ATM: variants seen among roughly 807,000 people sequenced by gnomAD.
ATM encodes serine-protein kinase ATM.
Under a neutral mutation model 387.0 loss-of-function variants are expected in ATM, and 308 were observed. The ratio of observed to expected loss-of-function variants is 0.80; its 90% confidence interval spans 0.73 to 0.87. The LOEUF is 0.87. Ranked by LOEUF, ATM falls within the 40% of genes least tolerant of loss-of-function variation. The probability of loss-of-function intolerance (pLI) is 0.00; values close to 1 mark genes in which losing one functional copy is unlikely to be tolerated. For synonymous variants in ATM, 1,156 were observed against 1,187.3 expected (o/e 0.97, Z 0.54); for missense variants, 3,312 against 3,560.9 (o/e 0.93, Z 1.78).
At chr11:108,304,566 A>G in intron 36 of ATM, 109 bp from the exon 37 acceptor site, 1 of 1,105,644 alleles carries the variant, frequency 9.0e-7, no homozygotes, top group Non-Finnish European at 1.3e-6. Context: ...TTAATCTATC[A>G]TCTTTTAGAA....
chr11:108,303,335 A>G (rs1391145189), intron 36 of ATM, among the ~76,000 whole-genome samples: 1 of 152,162 alleles, frequency 6.6e-6, no homozygotes, highest in Non-Finnish European at 1.5e-5. Flanking sequence ...ACGTCTTCTG[A>G]TAAGAGCACC....
intron 61 of ATM, among the ~76,000 whole-genome samples, chr11:108,362,882 T>G (rs2090945328): frequency 6.6e-6 from 1 of 151,462 alleles, no homozygotes; most frequent in Admixed American, 6.6e-5. Flanking sequence ...CGCACCAGCA[T>G]GGCATATGTA....
rs1432713767 is a variant in ATM at position 108,248,970 on chromosome 11, A to T, written c.1103A>T (p.Gln368Leu). Residue 368 changes from glutamine (Q) to leucine (L), a missense_variant, in exon 9 of 63, where the codon CAA (glutamine) becomes CTA (leucine). Gln to Leu is a moderately radical substitution (Grantham distance 113). This residue lies in a region of ATM where 1,791 missense variants were observed against 1,804.5 expected (regional missense o/e 0.99). Coordinates refer to ENST00000675843, the MANE Select transcript of ATM (RefSeq NM_000051.4). ...GATACCAGATCCTTGGAGATTTCTC[A>T]ATCTTACACTACTACACAAAGAGAA... is the stretch of plus-strand genomic sequence containing the variant. ...NEDTRSLEIS[Q>L]SYTTTQRESS... The T allele has an allele frequency of 6.2e-7, 1 of 1,611,960 alleles. No individual in the cohort carries two copies. The highest frequency in any genetic ancestry group is 8.5e-7 in the Non-Finnish European group (1 of 1,178,574).
chr11:108,224,363 G>A (rs1411731683), intron 1 of ATM: 1 of 152,208 alleles, frequency 6.6e-6, no homozygotes, highest in Non-Finnish European at 1.5e-5. Context: ...GTTGTGCAAA[G>A]GGGTCAACTT....
intron 59 of ATM, among the ~76,000 whole-genome samples, chr11:108,351,128 T>C (rs2089153697): frequency 6.6e-6 from 1 of 152,202 alleles, no homozygotes; most frequent in Non-Finnish European, 1.5e-5. Context: ...AATATAATGC[T>C]AAGTGAAAGA....
intron 61 of ATM, chr11:108,355,082 T>C: frequency 1.7e-6 from 1 of 578,118 alleles, no homozygotes; most frequent in Non-Finnish European, 3.1e-6. Context: ...TTGAGTTTCT[T>C]GGAATGTTAG....
At chr11:108,312,547 T>C (rs1243915284) in intron 40 of ATM, 49 bp downstream of exon 40, 5 of 1,386,930 alleles carry the variant, frequency 3.6e-6, no homozygotes, top group Admixed American at 3.4e-5. Context: ...TCTCATACTT[T>C]GGGTTATTTT....
chr11:108,259,297 G>A (rs897835330), intron 16 of ATM, among the ~76,000 whole-genome samples: 1 of 152,070 alleles, frequency 6.6e-6, no homozygotes, highest in Non-Finnish European at 1.5e-5. Context: ...AGACCATCCT[G>A]GCTAACACGG....
rs2135293721 is a variant in ATM at position 108,249,038 on chromosome 11, C to G, written c.1171C>G (p.Leu391Val). ...SVPCKRKKIE[L>V]GWEVIKDHLQ... Reference sequence around the variant, plus strand: ...CCCTTGCAAAAGGAAGAAAATAGAACTAGGCTGGGAAGTAATAAAAGATCA... The same window carrying G: ...CCCTTGCAAAAGGAAGAAAATAGAAGTAGGCTGGGAAGTAATAAAAGATCA... The change falls in exon 9 of 63, where the codon CTA becomes GTA. Residue 391 changes from leucine to valine, a missense_variant. Coordinates refer to ENST00000675843, the MANE Select transcript of ATM (RefSeq NM_000051.4). 1 of 1,613,856 alleles carries G rather than the reference C, an allele frequency of 6.2e-7. No homozygotes were observed. The highest frequency in any genetic ancestry group is 1.1e-5 in the South Asian group (1 of 91,082).
intron 4 of ATM, chr11:108,230,648 G>T (rs902800961): frequency 6.6e-6 from 1 of 152,170 alleles, no homozygotes; most frequent in African/African-American, 2.4e-5. Flanking sequence ...CTGTCTTAAA[G>T]TGTGGGCCTC....
At chr11:108,223,434 AG>A (rs1238173384) in intron 1 of ATM, 6 of 152,218 alleles carry the variant, frequency 3.9e-5, no homozygotes, top group African/African-American at 1.2e-4. Context: ...GTGTCACCTT[AG>A]GGTTCAGATT....
intron 43 of ATM, among the ~76,000 whole-genome samples, chr11:108,319,390 T>C (rs1421533956): frequency 1.3e-5 from 2 of 152,206 alleles, no homozygotes; most frequent in Admixed American, 6.5e-5. Context: ...GCTGTTTCTA[T>C]CCAAGGGCCT....
At chr11:108,303,698 A>G (rs1354101516) in intron 36 of ATM, among the ~76,000 whole-genome samples, 1 of 152,162 alleles carries the variant, frequency 6.6e-6, no homozygotes, top group Non-Finnish European at 1.5e-5. Flanking sequence ...CTTATTTTCT[A>G]CAGAAAAAGT....
chr11:108,321,209 A>G (rs2085180789), intron 44 of ATM, 92 bp from the exon 45 acceptor site: 1 of 1,528,710 alleles, frequency 6.5e-7, no homozygotes, highest in South Asian at 1.1e-5. Flanking sequence ...AGCAAAGCCT[A>G]TGATGAGAAC....
At chr11:108,248,781 G>A (rs2079976237) in intron 8 of ATM, 152 bp from the exon 9 acceptor site, 2 of 621,266 alleles carry the variant, frequency 3.2e-6, no homozygotes, top group South Asian at 2.0e-5. Context: ...CCAGCTACTC[G>A]GGAGGCTGAG....
intron 10 of ATM, 56 bp downstream of exon 10, chr11:108,251,128 A>G: frequency 6.2e-6 from 10 of 1,606,422 alleles, no homozygotes; most frequent in Non-Finnish European, 8.5e-6. Flanking sequence ...AGACACACAC[A>G]CACTCACATA....
chr11:108,346,019 T>C (rs1026935019), intron 58 of ATM, 111 bp downstream of exon 58: 10 of 1,295,762 alleles, frequency 7.7e-6, no homozygotes, highest in Non-Finnish European at 1.1e-5. Flanking sequence ...ATGATAGTGA[T>C]GATGTGGTTA....
chr11:108,351,610 C>T (rs1165743164), intron 59 of ATM, among the ~76,000 whole-genome samples: 1 of 152,160 alleles, frequency 6.6e-6, no homozygotes, highest in Non-Finnish European at 1.5e-5. Context: ...TCTGATGCTT[C>T]AGCACTCCCA....
At chr11:108,326,350 T>C in intron 47 of ATM, 125 bp downstream of exon 47, 1 of 1,273,590 alleles carries the variant, frequency 7.9e-7, no homozygotes, top group Non-Finnish European at 1.1e-6. Flanking sequence ...TAACAAGATA[T>C]TGTAAAACTA....
Sources: gnomAD v4.1 joint callset for allele counts (sites outside exome capture counted in the v4.1 genomes callset) on GRCh38, gnomAD v4.1.1 for gene constraint, gnomAD v4.1.1 regional missense constraint, MANE v1.5 for transcripts, NCBI Gene and HGNC (gene_info 2026-07-23, HGNC 2026-07-21) for gene names.